APBB2: variants seen among roughly 807,000 people sequenced by gnomAD.
The protein encoded by APBB2 is amyloid beta precursor protein binding family B member 2.
A neutral mutation model predicts 82.5 loss-of-function variants in APBB2; 38 were observed. The observed-to-expected ratio is 0.46, with a 90% CI of 0.36 to 0.60. The LOEUF is 0.60. Ranked by LOEUF, APBB2 falls within the 20% of genes least tolerant of loss-of-function variation. The pLI, the probability that APBB2 is intolerant of heterozygous loss-of-function variation, is 0.00. For synonymous variants in APBB2, 341 were observed against 368.2 expected (o/e 0.93, Z 0.85); for missense variants, 772 against 972.3 (o/e 0.79, Z 2.74).
intron 12 of APBB2, among the ~76,000 whole-genome samples, chr4:40,878,433 A>G (rs1767479704): frequency 6.6e-6 from 1 of 152,150 alleles, no homozygotes; most frequent in South Asian, 2.1e-4. Flanking sequence ...GCAGAGAGAA[A>G]GGCACCTGTG....
chr4:40,841,975 C>T (rs1344148302), intron 12 of APBB2, among the ~76,000 whole-genome samples: 5 of 152,234 alleles, frequency 3.3e-5, no homozygotes, highest in African/African-American at 9.6e-5. Context: ...CCACCACGCC[C>T]GGCCATGATA....
intron 12 of APBB2, among the ~76,000 whole-genome samples, chr4:40,866,435 A>G (rs1026482086): frequency 9.2e-5 from 14 of 152,164 alleles, no homozygotes; most frequent in Non-Finnish European, 1.9e-4. Context: ...GGCAAGAAGC[A>G]TAAAAAGAAA....
At chr4:40,879,928 G>T (rs1182217043) in intron 12 of APBB2, 1 of 816,780 alleles carries the variant, frequency 1.2e-6, no homozygotes, top group Admixed American at 6.2e-5. Flanking sequence ...CTAACCTCAG[G>T]TGATCTGCCC....
chr4:40,867,359 C>T (rs1764275835), intron 12 of APBB2, among the ~76,000 whole-genome samples: 1 of 152,208 alleles, frequency 6.6e-6, no homozygotes, highest in Admixed American at 6.5e-5. Context: ...TTTCTATCTT[C>T]AGAGCATTTT....
At chr4:41,042,913 T>C (rs1377966444) in intron 4 of APBB2, among the ~76,000 whole-genome samples, 1 of 152,228 alleles carries the variant, frequency 6.6e-6, no homozygotes, top group Non-Finnish European at 1.5e-5. Context: ...ATTGATACAC[T>C]AGTTATAGCC....
At chr4:40,978,730 T>C (rs1797773547) in intron 6 of APBB2, among the ~76,000 whole-genome samples, 1 of 152,170 alleles carries the variant, frequency 6.6e-6, no homozygotes, top group Non-Finnish European at 1.5e-5. Flanking sequence ...TGAGTCATCA[T>C]GAAAATTATG....
chr4:40,894,104 C>T (rs1464344625), intron 10 of APBB2, among the ~76,000 whole-genome samples: 10 of 151,726 alleles, frequency 6.6e-5, no homozygotes, highest in East Asian at 3.9e-4. Context: ...CCGGCTAACA[C>T]GGTGAAGCAC....
At chr4:41,202,154 C>A (rs942538097) in intron 1 of APBB2, among the ~76,000 whole-genome samples, 6 of 152,152 alleles carry the variant, frequency 3.9e-5, no homozygotes, top group Admixed American at 3.3e-4. Flanking sequence ...TGATCACCAC[C>A]ATTCGTCTTC....
intron 12 of APBB2, among the ~76,000 whole-genome samples, chr4:40,855,870 C>T (rs982358493): frequency 1.3e-5 from 2 of 152,232 alleles, no homozygotes; most frequent in African/African-American, 4.8e-5. Context: ...TTCATTCACA[C>T]TCCCTTTTAC....
intron 1 of APBB2, among the ~76,000 whole-genome samples, chr4:41,200,100 T>C (rs1175878432): frequency 3.3e-5 from 5 of 152,180 alleles, no homozygotes; most frequent in Non-Finnish European, 7.4e-5. Flanking sequence ...TAAATGAATA[T>C]ATTACGCTAG....
At position 41,013,591 on chromosome 4, in the gene APBB2, T is replaced by A; in HGVS notation, c.827A>T (p.Asp276Val). The change falls in exon 6 of 18, where the codon GAT becomes GTT. Residue 276 changes from aspartate to valine, a missense_variant. Transcript: ENST00000508593. ...GCCTTCCCCAGGGGTACCTGTTTCA[T>A]CCGGGGAGCTGGGTGAGGCACTGTC... Reference protein sequence around the residue: ...SQDSASPSSPDETADIWSDHS... With the variant: ...SQDSASPSSPVETADIWSDHS... The A allele has an allele frequency of 6.2e-7, 1 of 1,613,344 alleles. No individual in the cohort carries two copies. The highest frequency in any genetic ancestry group is 8.5e-7 in the Non-Finnish European group (1 of 1,179,470).
chr4:40,907,671 CTTTTTTTTTTTT>C (rs34413606), intron 10 of APBB2, among the ~76,000 whole-genome samples: 2 of 94,866 alleles, frequency 2.1e-5, no homozygotes, highest in Non-Finnish European at 4.0e-5. Context: ...GTGCCTGACC[CTTTTTTTTTTTT>C]TTTTTTTTTG....
chr4:41,073,165 T>TTC (rs1472716462), intron 3 of APBB2, among the ~76,000 whole-genome samples: 1 of 152,176 alleles, frequency 6.6e-6, no homozygotes, highest in Non-Finnish European at 1.5e-5. Context: ...TCCCAATTAT[T>TTC]TCCACAGAAC....
At chr4:40,983,262 T>C (rs888313368) in intron 6 of APBB2, among the ~76,000 whole-genome samples, 1 of 152,342 alleles carries the variant, frequency 6.6e-6, no homozygotes, top group East Asian at 1.9e-4. Flanking sequence ...GCCTGTGCTC[T>C]TAACCATCAC....
At chr4:41,030,179 G>A (rs185162990) in intron 5 of APBB2, among the ~76,000 whole-genome samples, 99 of 152,052 alleles carry the variant, frequency 6.5e-4, no homozygotes, top group Admixed American at 1.6e-3. Context: ...GAGCTGAGCC[G>A]GATCTTGAAG....
At chr4:41,095,567 C>T (rs1743204315) in intron 3 of APBB2, among the ~76,000 whole-genome samples, 1 of 152,206 alleles carries the variant, frequency 6.6e-6, no homozygotes, top group South Asian at 2.1e-4. Context: ...ATACCTATTA[C>T]TTTTAAAACA....
chr4:40,864,016 T>C (rs766811265), intron 12 of APBB2, among the ~76,000 whole-genome samples: 3 of 151,776 alleles, frequency 2.0e-5, no homozygotes, highest in Non-Finnish European at 4.4e-5. Context: ...CCCAGCACTT[T>C]AGGAAGCCAA....
At chr4:41,082,098 C>T (rs1364501173) in intron 3 of APBB2, among the ~76,000 whole-genome samples, 1 of 152,134 alleles carries the variant, frequency 6.6e-6, no homozygotes, top group African/African-American at 2.4e-5. Context: ...GATCACAGGA[C>T]ACACGTTTAG....
At chr4:41,213,954 G>A (rs572951145) in intron 1 of APBB2, among the ~76,000 whole-genome samples, 1 of 152,214 alleles carries the variant, frequency 6.6e-6, no homozygotes, top group Non-Finnish European at 1.5e-5. Context: ...CCAGGACAAG[G>A]GGGTGTGCGC....
Sources: allele counts gnomAD v4.1 joint callset (sites outside exome capture counted in the v4.1 genomes callset), GRCh38; gene constraint gnomAD v4.1.1; transcripts MANE v1.5; gene names NCBI Gene and HGNC (gene_info 2026-07-23, HGNC 2026-07-21).